Variants in ZNF618 observed in about 807,000 individuals in gnomAD.
The protein encoded by ZNF618 is neural precursor cell expressed, developmentally down-regulated 10.
A neutral mutation model predicts 103.0 loss-of-function variants in ZNF618; 34 were observed. The observed-to-expected ratio is 0.33, with a 90% CI of 0.25 to 0.44. The LOEUF (loss-of-function observed/expected upper bound fraction) is 0.44. Among genes scored for constraint, ZNF618 ranks in the 20% least tolerant of loss-of-function variants. The pLI, the probability that ZNF618 is intolerant of heterozygous loss-of-function variation, is 1.00. For synonymous variants in ZNF618, 551 were observed against 542.2 expected (o/e 1.02, Z -0.23); for missense variants, 1,059 against 1,295.4 (o/e 0.82, Z 2.80).
At chr9:113,955,274 T>C (rs1365633363) in intron 1 of ZNF618, among the ~76,000 whole-genome samples, 3 of 150,798 alleles carry the variant, frequency 2.0e-5, no homozygotes, top group Admixed American at 6.6e-5. Context: ...ATGACTGCCC[T>C]AATGAATTCA....
At position 113,992,603 on chromosome 9, in the gene ZNF618, G is replaced by A. The variant is rs576786934; in HGVS notation, c.337+4023G>A. Among the ~76,000 whole-genome samples, 7 of 152,290 alleles carry A rather than the reference G, an allele frequency of 4.6e-5. No homozygotes were observed. In the East Asian group the frequency reaches 1.4e-3, roughly 29 times the overall value. On this transcript the variant is annotated intron_variant, in intron 3 of 14. Coordinates refer to ENST00000374126, the MANE Select transcript of ZNF618 (RefSeq NM_001318042.2). ...GCCTCCTGAGTACTTCGCTAACCCA[G>A]CCTCGCTCCGGGCTCAGAGACGGGC...
chr9:113,876,830 C>T (rs1827994587), intron 1 of ZNF618, among the ~76,000 whole-genome samples: 1 of 150,838 alleles, frequency 6.6e-6, no homozygotes, highest in African/African-American at 2.4e-5. Context: ...CGATGACCCC[C>T]CGGGAGGTCT....
intron 10 of ZNF618, 69 bp downstream of exon 10, chr9:114,016,853 G>A: frequency 1.5e-6 from 2 of 1,293,668 alleles, no homozygotes; most frequent in Non-Finnish European, 2.2e-6. Flanking sequence ...CCGTTGGCCA[G>A]GCCTCTGGAA....
intron 1 of ZNF618, among the ~76,000 whole-genome samples, chr9:113,948,468 A>G (rs1835257991): frequency 6.6e-6 from 1 of 152,228 alleles, no homozygotes; most frequent in Non-Finnish European, 1.5e-5. Flanking sequence ...TTTGGGCCTC[A>G]CAGCTTTGCA....
intron 6 of ZNF618, among the ~76,000 whole-genome samples, chr9:114,005,917 C>T (rs1451491032): frequency 6.6e-6 from 1 of 152,188 alleles, no homozygotes; most frequent in Non-Finnish European, 1.5e-5. Context: ...GCCTCTCCTG[C>T]CCCACACCTT....
In ZNF618 at chr9:114,018,186, C is replaced by A. The variant is rs142367982; in HGVS notation, c.844+1402C>A. On this transcript the variant is annotated intron_variant, in intron 10 of 14. Coordinates refer to ENST00000374126, the MANE Select transcript of ZNF618 (RefSeq NM_001318042.2). ...GGCTATATAGGTCATTCAGTACCCG[C>A]CATAGAGCCAGATCTTGTGTGGAGA... is the stretch of plus-strand genomic sequence containing the variant. Among the ~76,000 whole-genome samples the A allele has an allele frequency of 3.1e-4, 47 of 152,352 alleles. 1 individual carries two copies. The East Asian group carries it at 8.1e-3, about 26-fold the overall frequency.
intron 1 of ZNF618, among the ~76,000 whole-genome samples, chr9:113,944,141 T>C (rs1008143376): frequency 2.0e-5 from 3 of 152,192 alleles, no homozygotes; most frequent in African/African-American, 7.2e-5. Context: ...TTTTCTGCTT[T>C]ATTGAAGATC....
chr9:113,924,708 G>A (rs1832928345), intron 1 of ZNF618, among the ~76,000 whole-genome samples: 1 of 151,552 alleles, frequency 6.6e-6, no homozygotes, highest in African/African-American at 2.4e-5. Flanking sequence ...TCCCATAAAT[G>A]TTGATAATTG....
intron 3 of ZNF618, 95 bp downstream of exon 3, chr9:113,988,675 C>T: frequency 1.4e-6 from 2 of 1,454,462 alleles, no homozygotes; most frequent in Non-Finnish European, 9.1e-7. Flanking sequence ...CTGCCCCCTT[C>T]CTGGCTGAGA....
At chr9:113,955,834 T>C (rs936912987) in intron 1 of ZNF618, among the ~76,000 whole-genome samples, 8 of 152,140 alleles carry the variant, frequency 5.3e-5, no homozygotes, top group Non-Finnish European at 8.8e-5. Context: ...TTACTACATA[T>C]TTTAAAAGCC....
At chr9:114,024,957 G>A (rs1843372956) in intron 10 of ZNF618, among the ~76,000 whole-genome samples, 1 of 152,026 alleles carries the variant, frequency 6.6e-6, no homozygotes, top group South Asian at 2.1e-4. Context: ...GAGATGTTTG[G>A]GCTCCACCTC....
At chr9:113,995,757 G>T (rs1840526377) in intron 3 of ZNF618, among the ~76,000 whole-genome samples, 2 of 152,150 alleles carry the variant, frequency 1.3e-5, no homozygotes, top group African/African-American at 4.8e-5. Flanking sequence ...AAAAGGAGTT[G>T]TTCCTGGTCA....
At chr9:113,916,805 C>T (rs1283628280) in intron 1 of ZNF618, among the ~76,000 whole-genome samples, 3 of 152,236 alleles carry the variant, frequency 2.0e-5, no homozygotes, top group Non-Finnish European at 4.4e-5. Flanking sequence ...AAAAACATTG[C>T]TCTGTCCCAA....
intron 2 of ZNF618, among the ~76,000 whole-genome samples, chr9:113,983,778 T>G (rs1839191958): frequency 6.6e-6 from 1 of 152,170 alleles, no homozygotes; most frequent in Non-Finnish European, 1.5e-5. Flanking sequence ...GTTCTGGTTT[T>G]GACTCTGCTA....
chr9:114,003,933 T>G (rs957074909), intron 6 of ZNF618, among the ~76,000 whole-genome samples: 1 of 152,190 alleles, frequency 6.6e-6, no homozygotes, highest in Non-Finnish European at 1.5e-5. Context: ...GGAACAGAGA[T>G]AATATGTAAA....
chr9:113,970,070 A>G (rs1394330246), intron 2 of ZNF618, among the ~76,000 whole-genome samples: 1 of 152,194 alleles, frequency 6.6e-6, no homozygotes, highest in Non-Finnish European at 1.5e-5. Flanking sequence ...TCTGTGGCCC[A>G]GTAAGTTAGA....
chr9:113,958,771 C>T (rs891919759), intron 1 of ZNF618, among the ~76,000 whole-genome samples: 1 of 152,148 alleles, frequency 6.6e-6, no homozygotes, highest in Non-Finnish European at 1.5e-5. Context: ...GACCAGGCTT[C>T]GCCTTGCCTT....
In ZNF618 at chr9:113,960,770, C is replaced by T. The variant is rs1407197290; in HGVS notation, c.34-8347C>T. On this transcript the variant is annotated intron_variant, in intron 1 of 14. Transcript: ENST00000374126. ...GTCTTCACATTTCTGTTCCATGGAG[C>T]ATTGTGGCCACTCTGCAGCAAATGA... Among the ~76,000 whole-genome samples, 3 of 152,162 alleles carry T rather than the reference C, an allele frequency of 2.0e-5. 1 individual carries two copies. Among genetic ancestry groups the T allele is most frequent in the Non-Finnish European group, 4.4e-5 (3 of 68,034 alleles).
At chr9:113,971,900 G>T (rs1042350259) in intron 2 of ZNF618, among the ~76,000 whole-genome samples, 2 of 152,132 alleles carry the variant, frequency 1.3e-5, no homozygotes, top group African/African-American at 4.8e-5. Flanking sequence ...CTACCATGGC[G>T]CCGGAATATG....
Sources: gnomAD v4.1 joint callset for allele counts (sites outside exome capture counted in the v4.1 genomes callset) on GRCh38, gnomAD v4.1.1 for gene constraint, MANE v1.5 for transcripts, NCBI Gene and HGNC (gene_info 2026-07-23, HGNC 2026-07-21) for gene names.